Variants in FRMPD1 observed in about 807,000 individuals in gnomAD.
FRMPD1 encodes the protein FERM and PDZ domain containing 1.
Under a neutral mutation model 117.8 loss-of-function variants are expected in FRMPD1, and 76 were observed. The observed-to-expected ratio is 0.65, with a 90% CI of 0.54 to 0.78. The LOEUF (loss-of-function observed/expected upper bound fraction) is 0.78. Ranked by LOEUF, FRMPD1 falls within the 30% of genes least tolerant of loss-of-function variation. The probability of loss-of-function intolerance (pLI) is 0.00; values close to 1 mark genes in which losing one functional copy is unlikely to be tolerated. For synonymous variants in FRMPD1, 783 were observed against 770.4 expected (o/e 1.02, Z -0.27); for missense variants, 1,786 against 1,964.5 (o/e 0.91, Z 1.72).
intron 7 of FRMPD1, 108 bp from the exon 8 acceptor site, chr9:37,729,620 A>T: frequency 1.8e-6 from 2 of 1,131,302 alleles, no homozygotes; most frequent in Non-Finnish European, 2.6e-6. Flanking sequence ...AGCAGTGGGC[A>T]TGTCAGTGCA....
chr9:37,655,496 C>CTTTTTTTTTTTT (rs10615941), intron 1 of FRMPD1, among the ~76,000 whole-genome samples: 1 of 88,566 alleles, frequency 1.1e-5, no homozygotes, highest in Non-Finnish European at 2.1e-5. Flanking sequence ...TGTCCCCACT[C>CTTTTTTTTTTTT]TTTTTTTTTT....
chr9:37,685,360 T>C (rs1455852860), intron 1 of FRMPD1, among the ~76,000 whole-genome samples: 3 of 152,126 alleles, frequency 2.0e-5, no homozygotes, highest in Non-Finnish European at 4.4e-5. Context: ...AATTTGCCTT[T>C]CGGCTGGGCG....
In FRMPD1 at chr9:37,744,865, C is replaced by T. The variant is rs146974807; in HGVS notation, c.2833C>T (p.Arg945Cys). The change falls in exon 16 of 16, where the codon CGC becomes TGC. Residue 945 changes from arginine (R) to cysteine (C), a missense_variant. Coordinates refer to ENST00000377765, the MANE Select transcript of FRMPD1 (RefSeq NM_014907.3). ...DSRVSSISAI[R>C]FRIDPNNKEN... ...TCGAGTGTCTTCTATTTCTGCCATTCGCTTCCGGATTGACCCCAACAATAA... is the reference window on the plus strand; with the variant it reads ...TCGAGTGTCTTCTATTTCTGCCATTTGCTTCCGGATTGACCCCAACAATAA... 1.5e-5 allele frequency: 25 copies of T among 1,613,994 alleles called. No homozygotes were observed. The highest frequency in any genetic ancestry group is 3.3e-5 in the South Asian group (3 of 91,084).
the FRMPD1 span, among the ~76,000 whole-genome samples, chr9:37,638,017 T>TC: frequency 3.8e-4 from 47 of 124,360 alleles, 3 homozygotes; most frequent in African/African-American, 1.3e-3. Flanking sequence ...TCTTTCTTTC[T>TC]TTCTTTCTCT....
chr9:37,648,849 C>T (rs759776356), upstream of FRMPD1, among the ~76,000 whole-genome samples: 1 of 151,950 alleles, frequency 6.6e-6, no homozygotes, highest in Non-Finnish European at 1.5e-5. Flanking sequence ...GACATTTAGG[C>T]GATGTCCAGC....
the FRMPD1 span, among the ~76,000 whole-genome samples, chr9:37,608,884 G>A: frequency 3.4e-4 from 52 of 152,266 alleles, no homozygotes; most frequent in African/African-American, 1.1e-3. Flanking sequence ...TATTATGTAG[G>A]TGTTATTATA....
chr9:37,728,439 A>T (rs1393641266), intron 7 of FRMPD1, among the ~76,000 whole-genome samples: 1 of 152,172 alleles, frequency 6.6e-6, no homozygotes, highest in Non-Finnish European at 1.5e-5. Flanking sequence ...AAAGAAACAG[A>T]CCTGGAAAGA....
the FRMPD1 span, among the ~76,000 whole-genome samples, chr9:37,608,397 TCTA>T: frequency 3.2e-4 from 48 of 148,826 alleles, no homozygotes; most frequent in East Asian, 8.5e-3. Flanking sequence ...TTTTTTTTTT[TCTA>T]TCTTTCTCTC....
At chr9:37,739,356 G>A (rs950247865) in intron 14 of FRMPD1, among the ~76,000 whole-genome samples, 1 of 152,180 alleles carries the variant, frequency 6.6e-6, no homozygotes, top group Non-Finnish European at 1.5e-5. Flanking sequence ...GCCATCAGAG[G>A]GTTTAAGCAG....
chr9:37,715,133 G>T (rs1254815199), intron 5 of FRMPD1, among the ~76,000 whole-genome samples: 1 of 152,092 alleles, frequency 6.6e-6, no homozygotes, highest in Non-Finnish European at 1.5e-5. Context: ...AAATGTTCTG[G>T]TTTAAATTTG....
chr9:37,616,298 G>A, the FRMPD1 span, among the ~76,000 whole-genome samples: 2 of 150,924 alleles, frequency 1.3e-5, no homozygotes, highest in African/African-American at 2.4e-5. Context: ...TGTATTTTTA[G>A]TAAAGACGGG....
At chr9:37,725,809 T>C (rs537615760) in intron 7 of FRMPD1, among the ~76,000 whole-genome samples, 2 of 152,348 alleles carry the variant, frequency 1.3e-5, no homozygotes, top group South Asian at 4.1e-4. Flanking sequence ...GCTGTCAAGA[T>C]CAGCTAGCTC....
chr9:37,625,344 A>G, the FRMPD1 span, among the ~76,000 whole-genome samples: 1 of 152,200 alleles, frequency 6.6e-6, no homozygotes, highest in African/African-American at 2.4e-5. Flanking sequence ...CATCTCTAAT[A>G]CTGATGATTT....
the FRMPD1 span, among the ~76,000 whole-genome samples, chr9:37,630,380 T>TTATA: frequency 6.6e-6 from 1 of 151,912 alleles, no homozygotes. Flanking sequence ...TTTTGCTTAT[T>TTATA]TATTTATTTA....
At chr9:37,628,293 T>C in the FRMPD1 span, among the ~76,000 whole-genome samples, 73 of 152,314 alleles carry the variant, frequency 4.8e-4, no homozygotes, top group Middle Eastern at 3.4e-3. Context: ...GCTTCTGTGA[T>C]AATGGATGAG....
At chr9:37,613,690 T>C in the FRMPD1 span, among the ~76,000 whole-genome samples, 1 of 152,252 alleles carries the variant, frequency 6.6e-6, no homozygotes, top group Admixed American at 6.5e-5. Flanking sequence ...ACTCACATTC[T>C]TTCAAGCACC....
chr9:37,616,117 C>CACATCTG, the FRMPD1 span, among the ~76,000 whole-genome samples: 9 of 96,714 alleles, frequency 9.3e-5, no homozygotes, highest in Non-Finnish European at 9.9e-5. Flanking sequence ...GTGCCCAGCC[C>CACATCTG]TTTTTTTTTT....
At chr9:37,711,263 ACACACATGCT>A (rs1822899875) in intron 4 of FRMPD1, 77 bp from the exon 5 acceptor site, 1 of 889,416 alleles carries the variant, frequency 1.1e-6, no homozygotes, top group Non-Finnish European at 1.9e-6. Context: ...TTTGACCCTA[ACACACATGCT>A]CACACATGTA....
At chr9:37,631,549 G>A in the FRMPD1 span, among the ~76,000 whole-genome samples, 6 of 152,186 alleles carry the variant, frequency 3.9e-5, no homozygotes, top group African/African-American at 1.4e-4. Context: ...TCTTGATATT[G>A]GAGTCACTGA....
Sources: gnomAD v4.1 joint callset for allele counts (sites outside exome capture counted in the v4.1 genomes callset) on GRCh38, gnomAD v4.1.1 for gene constraint, MANE v1.5 for transcripts, NCBI Gene and HGNC (gene_info 2026-07-23, HGNC 2026-07-21) for gene names.